The following CSMD1 variants were observed in gnomAD, a reference collection of about 807,000 sequenced individuals.
CSMD1 encodes CUB and sushi domain-containing protein 1.
In CSMD1, 213 loss-of-function variants were observed where a neutral mutation model predicts 417.5. The observed-to-expected ratio is 0.51, with a 90% CI of 0.46 to 0.57. The LOEUF (loss-of-function observed/expected upper bound fraction) is 0.57, where lower values mean the gene tolerates loss of function less well. Among genes scored for constraint, CSMD1 ranks in the 20% least tolerant of loss-of-function variants. CSMD1 has a pLI of 0.00. For missense variants in CSMD1, 6,923 were observed against 4,529.7 expected, an observed-to-expected ratio of 1.53 and a Z score of -15.17; for synonymous variants, 2,862 against 1,736.8, an observed-to-expected ratio of 1.65 and a Z score of -16.11.
chr8:4,680,333 C>T (rs565907727), intron 1 of CSMD1, among the ~76,000 whole-genome samples: 90 of 152,216 alleles, frequency 5.9e-4, no homozygotes, highest in African/African-American at 2.0e-3. Flanking sequence ...CTGAAAGCAC[C>T]GGGTCACTTA....
chr8:3,440,107 G>T (rs1814875657), intron 12 of CSMD1, among the ~76,000 whole-genome samples: 2 of 152,058 alleles, frequency 1.3e-5, no homozygotes, highest in South Asian at 4.2e-4. Context: ...ACTCAATTTT[G>T]TTCTTCAAAA....
chr8:3,969,134 T>C (rs868807619), intron 5 of CSMD1, among the ~76,000 whole-genome samples: 1 of 152,056 alleles, frequency 6.6e-6, no homozygotes, highest in African/African-American at 2.4e-5. Context: ...GCCTGTAATG[T>C]TACTACTCGA....
chr8:3,542,627 G>A (rs147866987), intron 10 of CSMD1, among the ~76,000 whole-genome samples: 1 of 152,254 alleles, frequency 6.6e-6, no homozygotes, highest in East Asian at 1.9e-4. Context: ...GCTGTATGGA[G>A]ATACATAGGA....
chr8:4,506,414 G>A (rs371333090), intron 2 of CSMD1, among the ~76,000 whole-genome samples: 3 of 152,028 alleles, frequency 2.0e-5, no homozygotes, highest in Admixed American at 6.6e-5. Flanking sequence ...AGTGATGAAC[G>A]CCGCACTTCA....
chr8:4,935,823 C>G (rs887613299), intron 1 of CSMD1, among the ~76,000 whole-genome samples: 1 of 152,200 alleles, frequency 6.6e-6, no homozygotes, highest in Non-Finnish European at 1.5e-5. Context: ...GAGTGCTCGG[C>G]CTGCTGTTTA....
intron 52 of CSMD1, among the ~76,000 whole-genome samples, 154 bp from the exon 53 acceptor site, chr8:3,000,285 T>G (rs1037577358): frequency 6.6e-6 from 1 of 151,306 alleles, no homozygotes; most frequent in Admixed American, 6.6e-5. Flanking sequence ...TTAAATATAG[T>G]TTTTCTTTTT....
chr8:4,082,935 G>C (rs982457888), intron 3 of CSMD1, among the ~76,000 whole-genome samples: 2 of 151,784 alleles, frequency 1.3e-5, no homozygotes, highest in Non-Finnish European at 2.9e-5. Flanking sequence ...CCTTACAAAG[G>C]ACATGAACTC....
intron 7 of CSMD1, among the ~76,000 whole-genome samples, chr8:3,670,236 G>T (rs1232875941): frequency 1.3e-5 from 2 of 151,952 alleles, no homozygotes; most frequent in East Asian, 3.9e-4. Context: ...ATACAAAGCA[G>T]GCGGAAAAAT....
At chr8:4,071,826 T>G (rs1812570) in intron 3 of CSMD1, among the ~76,000 whole-genome samples, 61,632 of 151,610 alleles carry the variant, frequency 0.41, 14,031 homozygotes, top group South Asian at 0.63. Flanking sequence ...CTTCCTGTTG[T>G]GGGGGGGTGG....
chr8:4,968,810 C>G (rs1453151517), intron 1 of CSMD1, among the ~76,000 whole-genome samples: 5 of 152,118 alleles, frequency 3.3e-5, no homozygotes, highest in Non-Finnish European at 7.4e-5. Flanking sequence ...GCAGTTGCAT[C>G]TCTTCTGCCA....
chr8:4,514,469 G>C (rs1410904008), intron 2 of CSMD1, among the ~76,000 whole-genome samples: 3 of 152,122 alleles, frequency 2.0e-5, no homozygotes, highest in African/African-American at 7.2e-5. Flanking sequence ...GTAGCATCCT[G>C]ATGATTCTCC....
At chr8:4,005,704 A>G (rs1288076373) in intron 4 of CSMD1, among the ~76,000 whole-genome samples, 1 of 152,018 alleles carries the variant, frequency 6.6e-6, no homozygotes, top group Non-Finnish European at 1.5e-5. Context: ...AACTTTCAAG[A>G]CTCCCTCATT....
intron 26 of CSMD1, among the ~76,000 whole-genome samples, chr8:3,251,004 T>C (rs1039407048): frequency 1.3e-5 from 2 of 152,170 alleles, no homozygotes; most frequent in Non-Finnish European, 2.9e-5. Flanking sequence ...TTTCTCCCAT[T>C]TTGTAGGTTG....
chr8:3,832,282 G>A (rs768617915), intron 5 of CSMD1, among the ~76,000 whole-genome samples: 1 of 152,190 alleles, frequency 6.6e-6, no homozygotes, highest in Middle Eastern at 3.4e-3. Flanking sequence ...CTGAGTACAC[G>A]GGATTATTTT....
intron 1 of CSMD1, among the ~76,000 whole-genome samples, chr8:4,807,270 C>G (rs1161904235): frequency 1.3e-5 from 2 of 152,156 alleles, no homozygotes. Flanking sequence ...TATTTCCCAG[C>G]CACATTGACT....
At chr8:4,232,775 G>A (rs1165771087) in intron 3 of CSMD1, among the ~76,000 whole-genome samples, 1 of 152,136 alleles carries the variant, frequency 6.6e-6, no homozygotes, top group Non-Finnish European at 1.5e-5. Context: ...AACCCTAATT[G>A]ACGTTTGGAA....
At chr8:4,624,880 G>T (rs1802007087) in intron 2 of CSMD1, among the ~76,000 whole-genome samples, 1 of 152,122 alleles carries the variant, frequency 6.6e-6, no homozygotes, top group Non-Finnish European at 1.5e-5. Context: ...ATTCGGGGTG[G>T]TGGGCAGAGA....
chr8:3,945,130 G>A (rs1455269330), intron 5 of CSMD1, among the ~76,000 whole-genome samples: 1 of 134,982 alleles, frequency 7.4e-6, no homozygotes, highest in Admixed American at 8.1e-5. Flanking sequence ...CTTTGTAAGT[G>A]ATACACAATT....
At chr8:4,594,489 C>A (rs1443468517) in intron 2 of CSMD1, among the ~76,000 whole-genome samples, 2 of 152,010 alleles carry the variant, frequency 1.3e-5, no homozygotes, top group African/African-American at 4.8e-5. Flanking sequence ...TGTGAGCCAC[C>A]ACACCCACCC....
Sources: allele counts gnomAD v4.1 joint callset (sites outside exome capture counted in the v4.1 genomes callset), GRCh38; gene constraint gnomAD v4.1.1; transcripts MANE v1.5; gene names NCBI Gene and HGNC (gene_info 2026-07-23, HGNC 2026-07-21).